Variants in MICAL3 observed in about 807,000 individuals in gnomAD.
MICAL3 encodes [F-actin]-monooxygenase MICAL3.
MICAL3 carries 62 observed loss-of-function variants against 207.4 expected under a neutral mutation model. The ratio of observed to expected loss-of-function variants is 0.30; its 90% CI spans 0.24 to 0.37. The LOEUF (loss-of-function observed/expected upper bound fraction) is 0.37, where lower values mean the gene tolerates loss of function less well. MICAL3 is among the 10% of genes least tolerant of loss of function. The pLI, the probability that MICAL3 is intolerant of heterozygous loss-of-function variation, is 1.00. For missense variants in MICAL3, 2,368 were observed against 2,635.6 expected, an observed-to-expected ratio of 0.90 and a Z score of 2.22; for synonymous variants, 1,077 against 1,069.3, an observed-to-expected ratio of 1.01 and a Z score of -0.14.
At chr22:17,968,119 T>C (rs772536468) in intron 1 of MICAL3, among the ~76,000 whole-genome samples, 17 of 151,864 alleles carry the variant, frequency 1.1e-4, no homozygotes, top group Admixed American at 5.2e-4. Context: ...GGTAAATAGA[T>C]GCAAGTTTCA....
intron 19 of MICAL3, chr22:17,863,373 A>C (rs573824015): frequency 4.1e-6 from 4 of 985,306 alleles, no homozygotes; most frequent in Non-Finnish European, 4.8e-6. Flanking sequence ...GCTCTCTCCA[A>C]CTGAATGTAC....
At chr22:17,906,979 G>T in intron 1 of MICAL3, 93 bp from the exon 2 acceptor site, 1 of 653,180 alleles carries the variant, frequency 1.5e-6, no homozygotes, top group Non-Finnish European at 2.5e-6. Flanking sequence ...GTTCTAAAGT[G>T]TCGCAGTCAT....
intron 3 of MICAL3, among the ~76,000 whole-genome samples, 196 bp downstream of exon 3, chr22:17,904,436 A>T (rs1931565996): frequency 6.6e-6 from 1 of 152,238 alleles, no homozygotes; most frequent in African/African-American, 2.4e-5. Flanking sequence ...CACATTTAAG[A>T]GTCCTAAATT....
At position 17,822,985 on chromosome 22, in the gene MICAL3, T is replaced by A; in HGVS notation, c.3269A>T (p.Asp1090Val). The part of the protein sequence containing the change: ...PAEIEGEAAE[D>V]GDPGDTGAEL... ...AGCACCAGTGTCCCCTGGGTCCCCA[T>A]CCTCTGCTGCCTCCCCTTCTATCTC... is the stretch of plus-strand genomic sequence containing the variant. The change falls in exon 23 of 32, where the codon GAT (aspartate) becomes GTT (valine). Residue 1090 changes from aspartate (D) to valine (V), a missense_variant. Physicochemically the swap from Asp to Val is radical, Grantham distance 152. Coordinates refer to ENST00000441493, the MANE Select transcript of MICAL3 (RefSeq NM_015241.3). The A allele has an allele frequency of 6.2e-7, 1 of 1,613,664 alleles. No individual in the cohort carries two copies. The highest frequency in any genetic ancestry group is 8.5e-7 in the Non-Finnish European group (1 of 1,179,720).
At chr22:17,836,251 T>G (rs1923352424) in intron 20 of MICAL3, among the ~76,000 whole-genome samples, 1 of 152,186 alleles carries the variant, frequency 6.6e-6, no homozygotes, top group Admixed American at 6.5e-5. Context: ...AGGATGACAG[T>G]GATTGACGGA....
chr22:17,964,768 G>A (rs748922149), intron 1 of MICAL3, among the ~76,000 whole-genome samples: 6 of 152,006 alleles, frequency 3.9e-5, no homozygotes, highest in Non-Finnish European at 8.8e-5. Flanking sequence ...TTCAACTACA[G>A]AGGATAAGGT....
intron 1 of MICAL3, among the ~76,000 whole-genome samples, chr22:17,979,602 G>T (rs1330384084): frequency 6.6e-6 from 1 of 151,992 alleles, no homozygotes; most frequent in Non-Finnish European, 1.5e-5. Flanking sequence ...TTTTACCAAA[G>T]ATTTCATTAG....
intron 19 of MICAL3, chr22:17,861,456 C>G: frequency 1.0e-6 from 1 of 985,454 alleles, no homozygotes; most frequent in Non-Finnish European, 1.2e-6. Context: ...GGAAAAAGCT[C>G]TTCTGTTCCT....
At chr22:17,969,529 T>C (rs555786895) in intron 1 of MICAL3, among the ~76,000 whole-genome samples, 18 of 152,182 alleles carry the variant, frequency 1.2e-4, no homozygotes, top group East Asian at 7.7e-4. Context: ...TGCTTTTTTT[T>C]CTCTTCCTTC....
chr22:17,899,198 G>A (rs564269970), intron 7 of MICAL3: 19 of 540,876 alleles, frequency 3.5e-5, no homozygotes, highest in Admixed American at 1.1e-4. Context: ...CACGTGTTGA[G>A]AACTGTGAAA....
In MICAL3 at chr22:17,821,445, G is replaced by C; in HGVS notation, c.3513C>G (p.Val1171=). 3 of 1,545,608 alleles carry C rather than the reference G, an allele frequency of 1.9e-6. No homozygotes were observed. The highest frequency in any genetic ancestry group is 2.6e-6 in the Non-Finnish European group (3 of 1,145,218). Residue 1171 remains valine, a synonymous_variant, in exon 25 of 32, where the codon GTC becomes GTG. Coordinates refer to ENST00000441493, the MANE Select transcript of MICAL3 (RefSeq NM_015241.3). ...CCCTTACCTCTGTTGAGGGGCTGTG[G>C]ACTGGAATGAACAGAAGAGCTGATT... The part of the protein sequence containing the change: ...PQESALLFIP[V]HSPSTEGPQL...
chr22:17,873,282 T>A (rs1040644149), intron 16 of MICAL3, among the ~76,000 whole-genome samples: 29 of 152,346 alleles, frequency 1.9e-4, no homozygotes, highest in Admixed American at 1.4e-3. Flanking sequence ...TGAGCCTGCC[T>A]TTCACGGTCC....
chr22:17,942,582 A>C (rs1933861366), intron 1 of MICAL3, among the ~76,000 whole-genome samples: 1 of 152,234 alleles, frequency 6.6e-6, no homozygotes, highest in Admixed American at 6.5e-5. Flanking sequence ...CCGAGTCTGA[A>C]GACAGTCGCC....
chr22:17,827,886 A>G, intron 21 of MICAL3, 105 bp from the exon 22 acceptor site: 2 of 1,208,380 alleles, frequency 1.7e-6, no homozygotes, highest in Non-Finnish European at 2.3e-6. Context: ...GGCCAGGGTC[A>G]GTATGAATCA....
At position 17,817,619 on chromosome 22, in the gene MICAL3, C is replaced by T. The variant is rs1921142114; in HGVS notation, c.5042G>A (p.Gly1681Asp). ...GGATGAAGTGAAAGAGCCATCTGGG[C>T]CCCCTGAGTCCGACGGCGGGGAGAG... ...EVLSPPSDSG[G>D]PDGSFTSSEG... The change falls in exon 26 of 32, where the codon GGC (glycine) becomes GAC (aspartate). Residue 1681 changes from glycine to aspartate, a missense_variant. Coordinates refer to ENST00000441493, the MANE Select transcript of MICAL3 (RefSeq NM_015241.3). The T allele has an allele frequency of 1.2e-6, 2 of 1,613,156 alleles. No individual in the cohort carries two copies. The highest frequency in any genetic ancestry group is 1.7e-6 in the Non-Finnish European group (2 of 1,179,848).
intron 20 of MICAL3, among the ~76,000 whole-genome samples, chr22:17,833,976 C>T (rs753574869): frequency 9.2e-5 from 14 of 152,178 alleles, no homozygotes; most frequent in Non-Finnish European, 1.9e-4. Flanking sequence ...GTACCCTTTC[C>T]CTGTAACGAA....
At chr22:17,957,708 C>CAAA (rs374917425) in intron 1 of MICAL3, among the ~76,000 whole-genome samples, 1 of 106,318 alleles carries the variant, frequency 9.4e-6, no homozygotes, top group African/African-American at 3.6e-5. Context: ...GAAACTATGT[C>CAAA]AAAAAAAAAA....
At chr22:17,877,916 G>A (rs373858017) in intron 16 of MICAL3, among the ~76,000 whole-genome samples, 27 of 151,746 alleles carry the variant, frequency 1.8e-4, no homozygotes, top group African/African-American at 5.6e-4. Flanking sequence ...GCAGTGGCGC[G>A]ATCTTGGCTC....
chr22:17,896,906 C>A lies in MICAL3; in HGVS notation c.1024G>T (p.Ala342Ser). The A allele has an allele frequency of 1.2e-6, 2 of 1,614,004 alleles. No homozygotes were observed. Among genetic ancestry groups the A allele is most frequent in the Non-Finnish European group, 1.7e-6 (2 of 1,179,894 alleles). ...TGCTGCTGGGTAGAGAAGTCTGCCG[C>A]CTCCCTGGCATAGCTGAGCAGAGCC... is the stretch of plus-strand genomic sequence containing the variant. ...QEALLSYARE[A>S]ADFSTQQQLP... is the part of the protein sequence containing the mutation. The change falls in exon 8 of 32, where the codon GCG (alanine) becomes TCG (serine). Residue 342 changes from alanine to serine, a missense_variant. Physicochemically the swap from Ala to Ser is moderately conservative, Grantham distance 99 (BLOSUM62 1). This residue lies in a region of MICAL3 where 400 missense variants were observed against 547.0 expected (regional missense o/e 0.73). Coordinates refer to ENST00000441493, the MANE Select transcript of MICAL3 (RefSeq NM_015241.3).
Sources: gnomAD v4.1 joint callset for allele counts (sites outside exome capture counted in the v4.1 genomes callset) on GRCh38, gnomAD v4.1.1 for gene constraint, gnomAD v4.1.1 regional missense constraint, MANE v1.5 for transcripts, NCBI Gene and HGNC (gene_info 2026-07-23, HGNC 2026-07-21) for gene names.